MASP1: variants seen among roughly 807,000 people sequenced by gnomAD.
The protein encoded by MASP1 is mannan-binding lectin serine protease 1.
In MASP1, 59 loss-of-function variants were observed where a neutral mutation model predicts 77.1. The observed-to-expected ratio is 0.77, with a 90% CI of 0.62 to 0.95. The LOEUF (loss-of-function observed/expected upper bound fraction) is 0.95, where lower values mean the gene tolerates loss of function less well. Ranked by LOEUF, MASP1 falls within the 40% of genes least tolerant of loss-of-function variation. The pLI is 0.00. For synonymous variants in MASP1, 362 were observed against 354.5 expected (o/e 1.02, Z -0.24); for missense variants, 885 against 912.9 (o/e 0.97, Z 0.39).
In MASP1 at chr3:187,235,520, C is replaced by G; in HGVS notation, c.*164G>C. On this transcript the variant is annotated 3_prime_UTR_variant, in exon 11 of 11. Coordinates refer to ENST00000296280, the MANE Select transcript of MASP1 (RefSeq NM_139125.4). ...TCCTGCCTGGAGCCTTTTCCCTATA[C>G]CACACTCTGCCTCTCAGGGTCCTGG... is the stretch of plus-strand genomic sequence containing the variant. The G allele has an allele frequency of 6.5e-7, 1 of 1,532,866 alleles. No homozygotes were observed. The highest frequency in any genetic ancestry group is 8.7e-7 in the Non-Finnish European group (1 of 1,146,454). The allele number at this position is 1,532,866 out of a possible 1,614,324, so 95.0% of individuals were successfully genotyped here. A position where few individuals can be genotyped will look rare whatever the true frequency, so the allele number is the denominator to read the frequency against.
chr3:187,231,302 C>A (rs908935002), downstream of MASP1, among the ~76,000 whole-genome samples: 3 of 152,210 alleles, frequency 2.0e-5, no homozygotes, highest in African/African-American at 7.2e-5. Context: ...TTCTATGCCT[C>A]CAAAACACAG....
intron 8 of MASP1, chr3:187,246,977 T>G: frequency 1.7e-6 from 2 of 1,180,202 alleles, no homozygotes; most frequent in South Asian, 4.1e-5. Context: ...TTTGATCTGG[T>G]CAGCCTGAGG....
At chr3:187,254,876 C>T (rs1013231711) in intron 5 of MASP1, among the ~76,000 whole-genome samples, 3 of 152,054 alleles carry the variant, frequency 2.0e-5, no homozygotes, top group African/African-American at 7.2e-5. Flanking sequence ...CATTTGGTGA[C>T]TTCTGCAATC....
At chr3:187,229,976 A>G, downstream of MASP1, 1 of 1,548,652 alleles carries the variant, frequency 6.5e-7, no homozygotes, top group East Asian at 2.3e-5. Flanking sequence ...CCAGCTCCTC[A>G]CCCTGTTAGG....
At chr3:187,224,203 G>A (rs1036560945) in intron 13 of MASP1, among the ~76,000 whole-genome samples, 6 of 152,174 alleles carry the variant, frequency 3.9e-5, no homozygotes, top group African/African-American at 1.2e-4. Flanking sequence ...TCTCAAACAC[G>A]GAAATGCCAC....
At chr3:187,227,020 A>G (rs888231334) in intron 11 of MASP1, among the ~76,000 whole-genome samples, 1 of 152,214 alleles carries the variant, frequency 6.6e-6, no homozygotes, top group Non-Finnish European at 1.5e-5. Flanking sequence ...TGCATATTAA[A>G]GTTTAAAATT....
chr3:187,237,365 G>T (rs1005756), intron 10 of MASP1, among the ~76,000 whole-genome samples: 37,282 of 152,222 alleles, frequency 0.24, 4,966 homozygotes, highest in East Asian at 0.46. Context: ...TATCCCACAC[G>T]GACTTAACAG....
Position 187,253,260 on chromosome 3 carries a change from G to T in MASP1, c.800C>A (p.Pro267His), listed in dbSNP as rs544747775. 12 of 1,613,994 alleles carry T rather than the reference G, an allele frequency of 7.4e-6. No homozygotes were observed. The South Asian group carries it at 1.3e-4, about 18-fold the overall frequency. ...GPFCGEKAPE[P>H]ISTQSHSVLI... ...GACACTGTGGCTCTGGGTGCTGATG[G>T]GTTCTGGGGCTTTCTCTCCACAGAA... The change falls in exon 6 of 11, where the codon CCC (proline) becomes CAC (histidine). Residue 267 changes from proline to histidine, a missense_variant. Pro to His is a moderately conservative substitution (Grantham distance 77). Coordinates refer to ENST00000296280, the MANE Select transcript of MASP1 (RefSeq NM_139125.4).
chr3:187,231,448 C>G (rs950125539), downstream of MASP1, among the ~76,000 whole-genome samples: 2 of 152,200 alleles, frequency 1.3e-5, no homozygotes, highest in Non-Finnish European at 1.5e-5. Flanking sequence ...TCTTCCTCCC[C>G]CTTTGGAGCC....
intron 8 of MASP1, among the ~76,000 whole-genome samples, chr3:187,245,198 TTTA>T (rs1165769611): frequency 6.6e-6 from 1 of 152,208 alleles, no homozygotes; most frequent in East Asian, 1.9e-4. Flanking sequence ...GGCAATAATA[TTTA>T]TTATTTAAAT....
chr3:187,283,985 G>A (rs921478017), intron 2 of MASP1, among the ~76,000 whole-genome samples: 7 of 152,100 alleles, frequency 4.6e-5, no homozygotes, highest in Non-Finnish European at 1.0e-4. Flanking sequence ...GTTCAGTTTA[G>A]GATGATACAT....
intron 2 of MASP1, among the ~76,000 whole-genome samples, chr3:187,268,167 G>A (rs966991646): frequency 6.6e-6 from 1 of 152,110 alleles, no homozygotes; most frequent in African/African-American, 2.4e-5. Context: ...ACTTGTCTGC[G>A]GCAACTTAGA....
chr3:187,252,075 G>A (rs941990913), intron 6 of MASP1, among the ~76,000 whole-genome samples: 1 of 152,178 alleles, frequency 6.6e-6, no homozygotes, highest in African/African-American at 2.4e-5. Context: ...CGCAGTAGAT[G>A]CCAAACAGAC....
At chr3:187,284,202 C>T (rs1441907150) in intron 2 of MASP1, among the ~76,000 whole-genome samples, 1 of 152,128 alleles carries the variant, frequency 6.6e-6, no homozygotes, top group African/African-American at 2.4e-5. Flanking sequence ...ATTTTCAAGA[C>T]TCATCTTTCT....
intron 2 of MASP1, among the ~76,000 whole-genome samples, chr3:187,285,204 G>C (rs1188148205): frequency 6.6e-6 from 1 of 151,624 alleles, no homozygotes. Flanking sequence ...ATATTGTTTT[G>C]ATGTGGTCCT....
At chr3:187,289,910 T>C (rs1718172271) in intron 1 of MASP1, among the ~76,000 whole-genome samples, 1 of 152,236 alleles carries the variant, frequency 6.6e-6, no homozygotes, top group African/African-American at 2.4e-5. Context: ...GACAGTGCTC[T>C]TGAAAGTGCT....
At chr3:187,251,412 T>TG in intron 7 of MASP1, 2 of 456,506 alleles carry the variant, frequency 4.4e-6, no homozygotes. Flanking sequence ...ATGCTCTGAT[T>TG]AAAAAAAAAA....
intron 9 of MASP1, chr3:187,242,088 C>A (rs1056375650): frequency 3.1e-5 from 5 of 160,316 alleles, no homozygotes. Context: ...ACATGGCTCC[C>A]TGTTGCACAG....
chr3:187,229,782 G>C (rs1712656281), downstream of MASP1: 2 of 1,614,202 alleles, frequency 1.2e-6, no homozygotes, highest in Admixed American at 1.7e-5. Context: ...CTCCGCAGAA[G>C]GGCTGCCCAT....
Sources: allele counts gnomAD v4.1 joint callset (sites outside exome capture counted in the v4.1 genomes callset), GRCh38; gene constraint gnomAD v4.1.1; transcripts MANE v1.5; gene names NCBI Gene and HGNC (gene_info 2026-07-23, HGNC 2026-07-21).